Variants in APC2 observed in about 807,000 individuals in gnomAD.
APC2 encodes the protein adenomatous polyposis coli protein 2.
APC2 carries 41 observed loss-of-function variants against 72.5 expected under a neutral mutation model. The ratio of observed to expected loss-of-function variants is 0.57; its 90% CI spans 0.44 to 0.73. The LOEUF (loss-of-function observed/expected upper bound fraction) is 0.73. Among genes scored for constraint, APC2 ranks in the 30% least tolerant of loss-of-function variants. APC2 has a pLI of 0.00. For missense variants in APC2, 3,729 were observed against 3,403.4 expected (o/e 1.10, Z -2.38); for synonymous variants, 1,898 against 1,612.0 (o/e 1.18, Z -4.25).
chr19:1,470,082 C>G lies in APC2; in HGVS notation c.6781C>G (p.His2261Asp), dbSNP rs1178526889. The stretch of plus-strand genomic sequence containing the variant: ...CGTGGGGGGCTTCCCCGCCAGCCGG[C>G]ACGGCTCCCCCAGCCGCTCGGCCCG... ...VAVGGFPASR[H>D]GSPSRSARVP... The change falls in exon 15 of 15, where the codon CAC becomes GAC. Residue 2261 changes from histidine to aspartate, a missense_variant. Coordinates refer to ENST00000590469, the MANE Select transcript of APC2 (RefSeq NM_005883.3). 6.2e-7 allele frequency: 1 copy of G among 1,601,894 alleles called. No homozygotes were observed. The highest frequency in any genetic ancestry group is 8.5e-7 in the Non-Finnish European group (1 of 1,176,880).
In APC2 at chr19:1,467,783, G is replaced by A. The variant is rs1208136788; in HGVS notation, c.4482G>A (p.Gln1494=). 3 of 1,439,834 alleles carry A rather than the reference G, an allele frequency of 2.1e-6. No homozygotes were observed. Among genetic ancestry groups the A allele is most frequent in the Non-Finnish European group, 1.8e-6 (2 of 1,101,516 alleles). 89.2% of individuals were successfully genotyped at this position (1,439,834 alleles called of 1,614,324 possible). A position where few individuals can be genotyped will look rare whatever the true frequency, so the allele number is the denominator to read the frequency against. ...PGRTRGDGAL[Q]SLCLTTPTEE... is the part of the protein sequence containing the mutation. ...GGACCCGCGGGGACGGGGCGCTCCA[G>A]TCGCTGTGCCTCACGACGCCCACTG... The change falls in exon 15 of 15, where the codon CAG becomes CAA. Residue 1494 remains glutamine (Q), a synonymous_variant. Transcript: ENST00000590469.
At position 1,466,973 on chromosome 19, in the gene APC2, C is replaced by T. The variant is rs1202445460; in HGVS notation, c.3672C>T (p.Pro1224=). The T allele has an allele frequency of 6.2e-7, 1 of 1,606,588 alleles. No homozygotes were observed. Among genetic ancestry groups the T allele is most frequent in the Non-Finnish European group, 8.5e-7 (1 of 1,177,168 alleles). ...PPLAPAPQGP[P]EATQFSLQWE... The stretch of plus-strand genomic sequence containing the variant: ...TGGCGCCCGCGCCACAGGGTCCCCC[C>T]GAGGCCACCCAGTTCAGCCTGCAGT... Residue 1224 remains proline (P), a synonymous_variant, in exon 15 of 15, where the codon CCC becomes CCT. Transcript: ENST00000590469.
Position 1,456,364 on chromosome 19 carries a change from C to G in APC2, c.776C>G (p.Thr259Arg). 1 of 1,609,102 alleles carries G rather than the reference C, an allele frequency of 6.2e-7. No individual in the cohort carries two copies. The stretch of plus-strand genomic sequence containing the variant: ...GAGGACCCCGAGACAGAGGTCCCCA[C>G]ACACCCTGAGGATGGCACCCCTCAG... ...VDEDPETEVP[T>R]HPEDGTPQPG... Residue 259 changes from threonine to arginine, a missense_variant, in exon 8 of 15, where the codon ACA (threonine) becomes AGA (arginine). Physicochemically the swap from Thr to Arg is moderately conservative, Grantham distance 71. Transcript: ENST00000590469.
At chr19:1,457,876 G>T in intron 9 of APC2, 89 bp from the exon 10 acceptor site, 1 of 1,121,884 alleles carries the variant, frequency 8.9e-7, no homozygotes, top group Non-Finnish European at 1.3e-6. Flanking sequence ...GATCCTTCAG[G>T]CCTGGGGCGG....
intron 1 of APC2, among the ~76,000 whole-genome samples, chr19:1,451,123 C>T (rs2083737855): frequency 1.3e-5 from 2 of 152,278 alleles, no homozygotes; most frequent in Non-Finnish European, 2.9e-5. Context: ...AGAATGTCCT[C>T]ACAGAGGGGT....
chr19:1,466,614 C>A lies in APC2; in HGVS notation c.3313C>A (p.Pro1105Thr). Residue 1105 changes from proline to threonine, a missense_variant, in exon 15 of 15, where the codon CCC (proline) becomes ACC (threonine). Transcript: ENST00000590469. The stretch of plus-strand genomic sequence containing the variant: ...CCTGGAGGGGCTGGAGGAGGCCGGC[C>A]CCAGCGAGGCTGAGCTGGACAGCAC... ...SSLEGLEEAG[P>T]SEAELDSTWR... 2 of 1,530,784 alleles carry A rather than the reference C, an allele frequency of 1.3e-6. No homozygotes were observed. The highest frequency in any genetic ancestry group is 1.9e-5 in the Admixed American group (1 of 51,726). The allele number at this position is 1,530,784 out of a possible 1,614,324, so 94.8% of individuals were successfully genotyped here. A position where few individuals can be genotyped will look rare whatever the true frequency, so the allele number is the denominator to read the frequency against.
rs1399420475 is a variant in APC2, at chr19:1,452,153, G to A, written c.-18-831G>A. 1 of 153,218 alleles carries A rather than the reference G, an allele frequency of 6.5e-6. No homozygotes were observed. The highest frequency in any genetic ancestry group is 2.4e-5 in the African/African-American group (1 of 41,422). 9.5% of individuals were successfully genotyped at this position (153,218 alleles called of 1,614,324 possible). On this transcript the variant is annotated intron_variant, in intron 1 of 14. Coordinates refer to ENST00000590469, the MANE Select transcript of APC2 (RefSeq NM_005883.3). The surrounding 1 kb of genome is among the most constrained non-coding windows in gnomAD (Gnocchi z 5.1). Reference sequence around the variant, plus strand: ...CTCCGGCGGGAGGGCCGAGCCGAGGGAGGAGGCGCCGGCCAGCTGGACAGA... The same window carrying A: ...CTCCGGCGGGAGGGCCGAGCCGAGGAAGGAGGCGCCGGCCAGCTGGACAGA...
rs150959468 is a variant in APC2, at chr19:1,453,532, G to A, written c.334G>A (p.Gly112Ser). 542 of 1,611,610 alleles carry A rather than the reference G, an allele frequency of 3.4e-4. No homozygotes were observed. The African/African-American group carries it at 6.4e-3, about 19-fold the overall frequency. The stretch of plus-strand genomic sequence containing the variant: ...GACCCCCGAGGGCAGCCCAGTACAC[G>A]GCTCCGGGCCCTCCAAGGACAGCTT... ...ARTPEGSPVH[G>S]SGPSKDSFGE... The change falls in exon 4 of 15, where the codon GGC (glycine) becomes AGC (serine). Residue 112 changes from glycine (G) to serine (S), a missense_variant. By Grantham distance (56) the Gly-to-Ser change is moderately conservative. Transcript: ENST00000590469.
upstream of APC2, among the ~76,000 whole-genome samples, chr19:1,446,866 C>G (rs1036776020): frequency 6.6e-6 from 1 of 152,236 alleles, no homozygotes; most frequent in African/African-American, 2.4e-5. The surrounding 1 kb of genome is among the most constrained non-coding windows in gnomAD (Gnocchi z 6.1). Context: ...TCTCCAGCCT[C>G]CGGAATCGTC....
upstream of APC2, among the ~76,000 whole-genome samples, chr19:1,448,819 G>C (rs2083710818): frequency 6.7e-6 from 1 of 150,158 alleles, no homozygotes; most frequent in Admixed American, 6.6e-5. Context: ...ACTCCAGCCT[G>C]GGCTACAGAG....
chr19:1,461,204 C>A, intron 13 of APC2, 51 bp downstream of exon 13: 4 of 1,491,920 alleles, frequency 2.7e-6, no homozygotes, highest in Non-Finnish European at 3.7e-6. Context: ...TGGAAGGAGA[C>A]TGCTGGCGGC....
chr19:1,465,324 C>T lies in APC2; in HGVS notation c.2023C>T (p.Leu675=), dbSNP rs1487410036. Residue 675 remains leucine (L), a synonymous_variant, in exon 15 of 15, where the codon CTG becomes TTG. Coordinates refer to ENST00000590469, the MANE Select transcript of APC2 (RefSeq NM_005883.3). ...DLGAVGMLRN[L]VHSKHKMIAM... is the part of the protein sequence containing the mutation. ...GGGCGCCGTGGGCATGCTGCGTAATCTGGTGCACTCCAAGCACAAGATGAT... is the reference window on the plus strand; with the variant it reads ...GGGCGCCGTGGGCATGCTGCGTAATTTGGTGCACTCCAAGCACAAGATGAT... 6.3e-7 allele frequency: 1 copy of T among 1,593,932 alleles called. No homozygotes were observed.
intron 4 of APC2, among the ~76,000 whole-genome samples, chr19:1,454,591 T>G: frequency 7.7e-6 from 1 of 129,168 alleles, no homozygotes. Flanking sequence ...TGAGACGGAG[T>G]CTCGCTCTGT....
In APC2 at chr19:1,452,901, T is replaced by A; in HGVS notation, c.-18-83T>A. 6.7e-7 allele frequency: 1 copy of A among 1,483,882 alleles called. No homozygotes were observed. Among genetic ancestry groups the A allele is most frequent in the South Asian group, 1.3e-5 (1 of 76,072 alleles). 91.9% of individuals were successfully genotyped at this position (1,483,882 alleles called of 1,614,324 possible). A position where few individuals can be genotyped will look rare whatever the true frequency, so the allele number is the denominator to read the frequency against. ...CAGGATCAGGCAGGACGGCTGGGGC[T>A]TAGGTCAGGGGCCGTCTGTCCGGAA... On this transcript the variant is annotated intron_variant, in intron 1 of 14. Transcript: ENST00000590469. This position sits in a 1 kb window ranked among gnomAD's most constrained non-coding sequence, Gnocchi z 5.1.
rs1026364319 is a variant in APC2, at chr19:1,465,136, A to T, written c.1854-19A>T. On this transcript the variant is annotated intron_variant, in intron 14 of 14. Transcript: ENST00000590469. ...GGAGGGTGGGGGGTGGCCCAGGCTA[A>T]CCCGCCCTGTGCCTACAGGCAGGTG... 72 of 1,586,038 alleles carry T rather than the reference A, an allele frequency of 4.5e-5. No homozygotes were observed. The highest frequency in any genetic ancestry group is 6.1e-5 in the Non-Finnish European group (71 of 1,166,900).
Position 1,468,786 on chromosome 19 carries a change from C to G in APC2, c.5485C>G (p.Pro1829Ala), listed in dbSNP as rs1234115268. Residue 1829 changes from proline (P) to alanine (A), a missense_variant, in exon 15 of 15, where the codon CCA (proline) becomes GCA (alanine). Physicochemically the swap from Pro to Ala is conservative, Grantham distance 27. Coordinates refer to ENST00000590469, the MANE Select transcript of APC2 (RefSeq NM_005883.3). Reference protein sequence around the residue: ...APPCLAQPAAPAKVPSPGQQR... With the variant: ...APPCLAQPAAAAKVPSPGQQR... ...CCCTTGCCTGGCACAGCCCGCGGCT[C>G]CAGCCAAAGTCCCGAGCCCCGGGCA... The G allele has an allele frequency of 1.3e-6, 2 of 1,519,172 alleles. No homozygotes were observed. The highest frequency in any genetic ancestry group is 1.8e-4 in the Middle Eastern group (1 of 5,590). 94.1% of individuals were successfully genotyped at this position (1,519,172 alleles called of 1,614,324 possible).
chr19:1,467,097 G>C lies in APC2; in HGVS notation c.3796G>C (p.Glu1266Gln). 6.2e-7 allele frequency: 1 copy of C among 1,607,108 alleles called. No homozygotes were observed. The highest frequency in any genetic ancestry group is 8.5e-7 in the Non-Finnish European group (1 of 1,177,160). The change falls in exon 15 of 15, where the codon GAG becomes CAG. Residue 1266 changes from glutamate to glutamine, a missense_variant. By Grantham distance (29) the Glu-to-Gln change is conservative. Transcript: ENST00000590469. ...LDAGSVRFTVEKPDENFSCAS... is the reference protein window; with the variant it reads ...LDAGSVRFTVQKPDENFSCAS... ...CGCAGGCAGCGTGCGCTTTACCGTG[G>C]AGAAGCCAGACGAGAACTTCTCGTG...
At position 1,450,157 on chromosome 19, in the gene APC2, G is replaced by A. The variant is rs2083726017; in HGVS notation, c.-200G>A. On this transcript the variant is annotated 5_prime_UTR_variant, in exon 1 of 15. Transcript: ENST00000590469. ...GCCCAGCGCTAGGAGCGGCAGCGCC[G>A]CCTGCCCAGGCCCGGACCGGGCTTT... 2.0e-6 allele frequency: 2 copies of A among 985,270 alleles called. No homozygotes were observed. Among genetic ancestry groups the A allele is most frequent in the Non-Finnish European group, 2.4e-6 (2 of 829,876 alleles). 61.0% of individuals were successfully genotyped at this position (985,270 alleles called of 1,614,324 possible).
intron 5 of APC2, 22 bp from the exon 6 acceptor site, chr19:1,455,361 GC>G (rs770271842): frequency 6.2e-7 from 1 of 1,602,802 alleles, no homozygotes; most frequent in African/African-American, 1.3e-5. Context: ...CCTCACCGTG[GC>G]CCGCCCGCCT....
Sources: allele counts gnomAD v4.1 joint callset (sites outside exome capture counted in the v4.1 genomes callset), GRCh38; gene constraint gnomAD v4.1.1; non-coding constraint Gnocchi (gnomAD v3.1); transcripts MANE v1.5; gene names NCBI Gene and HGNC (gene_info 2026-07-23, HGNC 2026-07-21).